The following P4HB variants were observed in gnomAD, a reference collection of about 807,000 sequenced individuals.
The protein encoded by P4HB is protein disulfide-isomerase.
In P4HB, 20 loss-of-function variants were observed where a neutral mutation model predicts 52.6. That is an observed-to-expected ratio of 0.38 (90% confidence interval 0.27 to 0.55). P4HB has a LOEUF of 0.55. P4HB is among the 20% of genes least tolerant of loss of function. The pLI is 0.74. For missense variants in P4HB, 601 were observed against 669.2 expected (o/e 0.90, Z 1.12); for synonymous variants, 296 against 277.9 (o/e 1.07, Z -0.65).
At chr17:81,851,877 A>T (rs1035899222) in intron 4 of P4HB, among the ~76,000 whole-genome samples, 2 of 152,214 alleles carry the variant, frequency 1.3e-5, no homozygotes, top group African/African-American at 4.8e-5. Context: ...CACGGTGACA[A>T]ACAGCATAGA....
rs2038980636 is a variant in P4HB, at chr17:81,860,379, T to C, written c.93A>G (p.Lys31=). 4.1e-6 allele frequency: 6 copies of C among 1,473,976 alleles called. No homozygotes were observed. The highest frequency in any genetic ancestry group is 5.4e-6 in the Non-Finnish European group (6 of 1,111,964). The allele number at this position is 1,473,976 out of a possible 1,614,324, so 91.3% of individuals were successfully genotyped here. A position where few individuals can be genotyped will look rare whatever the true frequency, so the allele number is the denominator to read the frequency against. ...EEEDHVLVLR[K]SNFAEALAAH... The stretch of plus-strand genomic sequence containing the variant: ...CCGCCAGCGCCTCCGCGAAGTTGCT[T>C]TTCCGCAGCACCAGGACGTGGTCCT... Residue 31 remains lysine, a synonymous_variant, in exon 1 of 11, where the codon AAA becomes AAG. Transcript: ENST00000331483.
chr17:81,843,598 G>A lies in P4HB; in HGVS notation c.*414C>T, dbSNP rs199628220. On this transcript the variant is annotated 3_prime_UTR_variant, in exon 11 of 11. Coordinates refer to ENST00000331483, the MANE Select transcript of P4HB (RefSeq NM_000918.4). ...CACGGGGGACAAGCTTCTCCGAGGA[G>A]GCCTGGCCAAGGTGGAACAAATACC... 31 of 448,782 alleles carry A rather than the reference G, an allele frequency of 6.9e-5. No homozygotes were observed. The highest frequency in any genetic ancestry group is 1.2e-4 in the Non-Finnish European group (30 of 255,748). The allele number at this position is 448,782 out of a possible 1,614,324, so 27.8% of individuals were successfully genotyped here. A position where few individuals can be genotyped will look rare whatever the true frequency, so the allele number is the denominator to read the frequency against.
chr17:81,847,071 G>A lies in P4HB; in HGVS notation c.731C>T (p.Thr244Ile), dbSNP rs1486471756. The A allele has an allele frequency of 6.2e-7, 1 of 1,614,020 alleles. No individual in the cohort carries two copies. Among genetic ancestry groups the A allele is most frequent in the Non-Finnish European group, 8.5e-7 (1 of 1,180,010 alleles). ...TTCACCTCCAAAAATCTTCGGGGCT[G>A]TCTGTGTTATAAACTTAAGTTACTG... ...LPLVIEFTEQ[T>I]APKIFGGEIK... The change falls in exon 6 of 11, where the codon ACA (threonine) becomes ATA (isoleucine). Residue 244 changes from threonine (T) to isoleucine (I), a missense_variant and splice_region_variant. Coordinates refer to ENST00000331483, the MANE Select transcript of P4HB (RefSeq NM_000918.4).
chr17:81,845,764 G>T, intron 8 of P4HB, 22 bp from the exon 9 acceptor site: 1 of 1,612,722 alleles, frequency 6.2e-7, no homozygotes, highest in East Asian at 2.2e-5. Flanking sequence ...GCAGTTCTAG[G>T]GTGTGTCCTG....
In P4HB at chr17:81,843,692, A is replaced by C; in HGVS notation, c.*320T>G. The C allele has an allele frequency of 2.3e-6, 1 of 430,406 alleles. No individual in the cohort carries two copies. The highest frequency in any genetic ancestry group is 4.1e-6 in the Non-Finnish European group (1 of 243,960). The allele number at this position is 430,406 out of a possible 1,614,324, so 26.7% of individuals were successfully genotyped here. Reference sequence around the variant, plus strand: ...AAAAAGAGGAGAAACCTCCCGCGGGAGGGAGGCAGCGAGACTCCGAACACG... The same window carrying C: ...AAAAAGAGGAGAAACCTCCCGCGGGCGGGAGGCAGCGAGACTCCGAACACG... On this transcript the variant is annotated 3_prime_UTR_variant, in exon 11 of 11. Transcript: ENST00000331483.
At chr17:81,856,647 C>CTT (rs112230345) in intron 2 of P4HB, among the ~76,000 whole-genome samples, 6 of 128,448 alleles carry the variant, frequency 4.7e-5, no homozygotes, top group South Asian at 2.5e-4. Context: ...AATGTTTCTT[C>CTT]TTTTTTTTTT....
Position 81,843,558 on chromosome 17 carries a change from G to A in P4HB, c.*454C>T, listed in dbSNP as rs951895824. On this transcript the variant is annotated 3_prime_UTR_variant, in exon 11 of 11. Transcript: ENST00000331483. ...GTACTGAGTGACCATGTCCAGTCCGGCTCCGTCCCTCCCACACGGGGGACA... is the reference window on the plus strand; with the variant it reads ...GTACTGAGTGACCATGTCCAGTCCGACTCCGTCCCTCCCACACGGGGGACA... 9.3e-6 allele frequency: 4 copies of A among 430,608 alleles called. No homozygotes were observed. The highest frequency in any genetic ancestry group is 1.6e-5 in the Non-Finnish European group (4 of 244,904). 26.7% of individuals were successfully genotyped at this position (430,608 alleles called of 1,614,324 possible).
intron 2 of P4HB, chr17:81,858,825 G>A (rs145139775): frequency 2.0e-4 from 51 of 250,460 alleles, no homozygotes; most frequent in Middle Eastern, 2.7e-3. Flanking sequence ...GTGTCACCCC[G>A]AGAGCTACAG....
intron 4 of P4HB, 87 bp from the exon 5 acceptor site, chr17:81,847,434 A>G: frequency 9.3e-7 from 1 of 1,070,636 alleles, no homozygotes; most frequent in Non-Finnish European, 1.5e-6. Context: ...GGGAAGTCAC[A>G]GCAGCCAGCA....
chr17:81,846,400 G>A lies in P4HB; in HGVS notation c.1056+29C>T. On this transcript the variant is annotated intron_variant, in intron 7 of 10. Coordinates refer to ENST00000331483, the MANE Select transcript of P4HB (RefSeq NM_000918.4). This position sits in a 1 kb window ranked among gnomAD's most constrained non-coding sequence, Gnocchi z 5.7. ...CCAAGGTGGCGGCTCTACCCGGGAGGCAGCCCTGGCCCGGGGACGCGCCTG... is the reference window on the plus strand; with the variant it reads ...CCAAGGTGGCGGCTCTACCCGGGAGACAGCCCTGGCCCGGGGACGCGCCTG... 1 of 1,607,542 alleles carries A rather than the reference G, an allele frequency of 6.2e-7. No individual in the cohort carries two copies. Among genetic ancestry groups the A allele is most frequent in the Non-Finnish European group, 8.5e-7 (1 of 1,175,554 alleles).
chr17:81,844,424 G>T (rs1345192150), intron 10 of P4HB, among the ~76,000 whole-genome samples: 1 of 152,192 alleles, frequency 6.6e-6, no homozygotes, highest in Non-Finnish European at 1.5e-5. Context: ...TCTACAGAGG[G>T]TCCACATCTC....
intron 1 of P4HB, 60 bp from the exon 2 acceptor site, chr17:81,859,447 T>C: frequency 7.1e-7 from 1 of 1,411,126 alleles, no homozygotes; most frequent in Non-Finnish European, 1.0e-6. Flanking sequence ...CCTTGATCCC[T>C]CAGCAGTGCT....
intron 4 of P4HB, among the ~76,000 whole-genome samples, chr17:81,852,098 G>A (rs1043046820): frequency 2.0e-5 from 3 of 152,214 alleles, no homozygotes; most frequent in Non-Finnish European, 4.4e-5. Context: ...TGGGAGGACT[G>A]CTTGAGCCCA....
chr17:81,847,367 CCT>C lies in P4HB; in HGVS notation c.625-22_625-21del. ...ATCAAACTGTGGACAGAAAGAGGGC[CCT>C]GACTGAGCATTGCTGCTGGGAGCAC... On this transcript the variant is annotated intron_variant, in intron 4 of 10. Transcript: ENST00000331483. 2 of 1,592,804 alleles carry C rather than the reference CCT, an allele frequency of 1.3e-6. No homozygotes were observed. Among genetic ancestry groups the C allele is most frequent in the Non-Finnish European group, 1.7e-6 (2 of 1,160,554 alleles).
At chr17:81,859,453 G>A in intron 1 of P4HB, 66 bp from the exon 2 acceptor site, 4 of 1,378,942 alleles carry the variant, frequency 2.9e-6, no homozygotes, top group Non-Finnish European at 4.1e-6. Flanking sequence ...TCCCTCAGCA[G>A]TGCTTCCCTT....
In P4HB at chr17:81,844,086, C is replaced by T. The variant is rs773104539; in HGVS notation, c.1453G>A (p.Glu485Lys). The change falls in exon 11 of 11, where the codon GAG (glutamate) becomes AAG (lysine). Residue 485 changes from glutamate (E) to lysine (K), a missense_variant. Coordinates refer to ENST00000331483, the MANE Select transcript of P4HB (RefSeq NM_000918.4). Reference sequence around the variant, plus strand: ...GGCTCCTCTGCTTCTTCCAGGTCCTCGAGATCCTGGGATACAGGAAAAGGG... The same window carrying T: ...GGCTCCTCTGCTTCTTCCAGGTCCTTGAGATCCTGGGATACAGGAAAAGGG... Reference protein sequence around the residue: ...QDGAGDDDDLEDLEEAEEPDM... With the variant: ...QDGAGDDDDLKDLEEAEEPDM... 17 of 1,612,306 alleles carry T rather than the reference C, an allele frequency of 1.1e-5. No homozygotes were observed. The highest frequency in any genetic ancestry group is 1.4e-5 in the Non-Finnish European group (17 of 1,178,410).
Position 81,846,077 on chromosome 17 carries a change from G to A in P4HB, c.1057-86C>T. 2.1e-6 allele frequency: 3 copies of A among 1,444,738 alleles called. No individual in the cohort carries two copies. Among genetic ancestry groups the A allele is most frequent in the Non-Finnish European group, 2.7e-6 (3 of 1,092,968 alleles). The allele number at this position is 1,444,738 out of a possible 1,614,324, so 89.5% of individuals were successfully genotyped here. A position where few individuals can be genotyped will look rare whatever the true frequency, so the allele number is the denominator to read the frequency against. On this transcript the variant is annotated intron_variant, in intron 7 of 10. Coordinates refer to ENST00000331483, the MANE Select transcript of P4HB (RefSeq NM_000918.4). The surrounding 1 kb of genome is among the most constrained non-coding windows in gnomAD (Gnocchi z 5.7). ...AACCCTCACCCTGCCCGGGACTGAG[G>A]TGCGTGGCTGCCCTGGGCACACCAG... is the stretch of plus-strand genomic sequence containing the variant.
intron 4 of P4HB, among the ~76,000 whole-genome samples, chr17:81,848,668 G>T (rs1467128587): frequency 6.8e-6 from 1 of 146,464 alleles, no homozygotes. Context: ...CCCGGGAGGC[G>T]GAGGTTGCGG....
At chr17:81,852,124 A>AGGAG (rs1323166171) in intron 4 of P4HB, among the ~76,000 whole-genome samples, 8 of 152,204 alleles carry the variant, frequency 5.3e-5, no homozygotes, top group African/African-American at 1.9e-4. Flanking sequence ...TCGAAGCTGC[A>AGGAG]GTGAAGTGTG....
Sources: allele counts gnomAD v4.1 joint callset (sites outside exome capture counted in the v4.1 genomes callset), GRCh38; gene constraint gnomAD v4.1.1; non-coding constraint Gnocchi (gnomAD v3.1); transcripts MANE v1.5; gene names NCBI Gene and HGNC (gene_info 2026-07-23, HGNC 2026-07-21).